LRRC43: variants seen among roughly 807,000 people sequenced by gnomAD.
The protein encoded by LRRC43 is leucine-rich repeat-containing protein 43.
A neutral mutation model predicts 64.3 loss-of-function variants in LRRC43; 62 were observed. The ratio of observed to expected loss-of-function variants is 0.96; its 90% confidence interval spans 0.79 to 1.19. The LOEUF (loss-of-function observed/expected upper bound fraction) is 1.19, where lower values mean the gene tolerates loss of function less well. Ranked by LOEUF, LRRC43 falls within the 50% of genes most tolerant of loss-of-function variation. The pLI, the probability that LRRC43 is intolerant of heterozygous loss-of-function variation, is 0.00. For synonymous variants in LRRC43, 422 were observed against 382.3 expected (o/e 1.10, Z -1.21); for missense variants, 868 against 845.0 (o/e 1.03, Z -0.34).
chr12:122,172,723 C>T (rs1387141992), intron 1 of LRRC43: 3 of 1,611,494 alleles, frequency 1.9e-6, no homozygotes, highest in South Asian at 1.1e-5. Flanking sequence ...GACACGAGCA[C>T]GCCCTTCTCT....
chr12:122,176,255 T>C (rs1953536225), intron 1 of LRRC43, among the ~76,000 whole-genome samples: 1 of 152,028 alleles, frequency 6.6e-6, no homozygotes, highest in Non-Finnish European at 1.5e-5. Context: ...AGAAGAGTGT[T>C]CCAAGGCAAC....
intron 7 of LRRC43, among the ~76,000 whole-genome samples, 161 bp downstream of exon 7, chr12:122,193,165 G>C (rs963250992): frequency 6.6e-6 from 1 of 151,808 alleles, no homozygotes; most frequent in Admixed American, 6.6e-5. Context: ...CGGATCACGA[G>C]GTCAGGAGAT....
chr12:122,190,425 G>C, intron 5 of LRRC43, 57 bp downstream of exon 5: 2 of 1,394,504 alleles, frequency 1.4e-6, no homozygotes, highest in Non-Finnish European at 2.0e-6. Context: ...CCTGCGCCTG[G>C]CTGTGCCCCG....
chr12:122,168,464 G>T (rs1953459126), intron 1 of LRRC43, among the ~76,000 whole-genome samples: 1 of 151,268 alleles, frequency 6.6e-6, no homozygotes, highest in African/African-American at 2.4e-5. Flanking sequence ...AAAGAGGTGG[G>T]TTCTCACCAT....
rs551893904 is a variant in LRRC43 at position 122,190,962 on chromosome 12, C to T, written c.902-418C>T. ...CTAGCCTGGCGACAGAGCGAGACCC[C>T]GTCTCTAAAAAAAATAAAAAGTCAA... On this transcript the variant is annotated intron_variant, in intron 5 of 11. Transcript: ENST00000339777. 2.0e-5 allele frequency among the ~76,000 whole-genome samples: 3 copies of T among 152,174 alleles called. No individual in the cohort carries two copies. In the South Asian group the frequency reaches 6.2e-4, roughly 32 times the overall value.
At chr12:122,183,022 G>A (rs1593143533), upstream of LRRC43, 1 of 1,388,952 alleles carries the variant, frequency 7.2e-7, no homozygotes, top group Admixed American at 3.1e-5. Context: ...AAACGCAGGT[G>A]GTTGGGGCCA....
rs147650717 is a variant in LRRC43 at position 122,172,262 on chromosome 12, C to T, written c.-406+4480C>T. On this transcript the variant is annotated intron_variant, in intron 1 of 5. Transcript: ENST00000537729. ...GGTAATTCACAAATTCACATCTCAG[C>T]CCTCCCGGGACTAGCCCATATGAGG... 762 of 610,970 alleles carry T rather than the reference C, an allele frequency of 1.2e-3. 6 individuals are homozygous for T. Among genetic ancestry groups the T allele is most frequent in the African/African-American group, 0.012 (646 of 54,192 alleles). 37.8% of individuals were successfully genotyped at this position (610,970 alleles called of 1,614,324 possible).
chr12:122,187,691 G>A lies in LRRC43; in HGVS notation c.523-10G>A. The A allele has an allele frequency of 6.2e-7, 1 of 1,612,758 alleles. No individual in the cohort carries two copies. The highest frequency in any genetic ancestry group is 8.5e-7 in the Non-Finnish European group (1 of 1,179,932). On this transcript the variant is annotated splice_polypyrimidine_tract_variant and intron_variant, in intron 3 of 11. Transcript: ENST00000339777. ...CCCCATCGTCCCGGGCCTTCCGTGT[G>A]GTCTCCCAGGTGCTGGAGCTCTACG... is the stretch of plus-strand genomic sequence containing the variant.
chr12:122,177,847 T>TATTA (rs1238782083), intron 1 of LRRC43, among the ~76,000 whole-genome samples: 28 of 151,186 alleles, frequency 1.9e-4, no homozygotes, highest in African/African-American at 6.6e-4. Context: ...TTTATTTATT[T>TATTA]ATTATTTTGA....
upstream of LRRC43, among the ~76,000 whole-genome samples, chr12:122,180,294 G>A (rs1350376812): frequency 1.3e-5 from 2 of 152,118 alleles, no homozygotes; most frequent in Admixed American, 6.6e-5. Flanking sequence ...CAAGGCAGGT[G>A]GATCACTTGA....
At chr12:122,190,075 T>C (rs1489181722) in intron 4 of LRRC43, 55 bp from the exon 5 acceptor site, 1 of 1,458,142 alleles carries the variant, frequency 6.9e-7, no homozygotes, top group African/African-American at 1.4e-5. Context: ...CACAGGCTGC[T>C]TGCCCCCTGC....
chr12:122,174,851 T>C (rs1423444788), intron 1 of LRRC43, among the ~76,000 whole-genome samples: 2 of 151,592 alleles, frequency 1.3e-5, no homozygotes, highest in Non-Finnish European at 2.9e-5. Context: ...TTTCTTTTTT[T>C]TTTTTTTGAG....
At chr12:122,169,049 G>A (rs1953462732) in intron 1 of LRRC43, among the ~76,000 whole-genome samples, 2 of 152,150 alleles carry the variant, frequency 1.3e-5, no homozygotes, top group Admixed American at 1.3e-4. Context: ...TGTGAGGGGT[G>A]CGTGATACCC....
In LRRC43 at chr12:122,172,306, T is replaced by C. The variant is rs142266922; in HGVS notation, c.-406+4524T>C. The C allele has an allele frequency of 8.8e-4, 725 of 822,098 alleles. 11 individuals carry two copies. In the East Asian group the frequency reaches 0.013, roughly 15 times the overall value. The allele number at this position is 822,098 out of a possible 1,614,324, so 50.9% of individuals were successfully genotyped here. A position where few individuals can be genotyped will look rare whatever the true frequency, so the allele number is the denominator to read the frequency against. ...TATGAGGGGTCCCTGAGATTATTCATTGGAAAAATGTACTTAAGGAATCAC... is the reference window on the plus strand; with the variant it reads ...TATGAGGGGTCCCTGAGATTATTCACTGGAAAAATGTACTTAAGGAATCAC... On this transcript the variant is annotated intron_variant, in intron 1 of 5. Coordinates refer to the LRRC43 transcript ENST00000537729.
chr12:122,183,172 G>A lies in LRRC43; in HGVS notation c.28G>A (p.Glu10Lys). 1 of 1,554,808 alleles carries A rather than the reference G, an allele frequency of 6.4e-7. No homozygotes were observed. Among genetic ancestry groups the A allele is most frequent in the Non-Finnish European group, 8.6e-7 (1 of 1,157,442 alleles). ...GGAGGCGTCGTACGAGTCCGAGTCC[G>A]AGTCCGAGTCTGAGGCCGGGCCTGG... is the stretch of plus-strand genomic sequence containing the variant. MEASYESES[E>K]SESEAGPGTQ... The change falls in exon 1 of 12, where the codon GAG (glutamate) becomes AAG (lysine). Residue 10 changes from glutamate to lysine, a missense_variant. Glu to Lys is a moderately conservative substitution (Grantham distance 56). Transcript: ENST00000339777.
intron 3 of LRRC43, among the ~76,000 whole-genome samples, chr12:122,186,956 A>G (rs1953652319): frequency 6.6e-6 from 1 of 151,686 alleles, no homozygotes; most frequent in South Asian, 2.1e-4. Context: ...ATTCACTCAT[A>G]GAAAGGAATG....
At position 122,200,870 on chromosome 12, in the gene LRRC43, T is replaced by C. The variant is rs770198938; in HGVS notation, c.1745T>C (p.Val582Ala). 1.9e-6 allele frequency: 3 copies of C among 1,612,870 alleles called. No homozygotes were observed. Among genetic ancestry groups the C allele is most frequent in the East Asian group, 2.2e-5 (1 of 44,884 alleles). The change falls in exon 10 of 12, where the codon GTG (valine) becomes GCG (alanine). Residue 582 changes from valine to alanine, a missense_variant. Coordinates refer to ENST00000339777, the MANE Select transcript of LRRC43 (RefSeq NM_001098519.2). The surrounding 1 kb of genome is among the most constrained non-coding windows in gnomAD (Gnocchi z 4.6). The stretch of plus-strand genomic sequence containing the variant: ...CCCCTGCTCGCCGGGGAGCCCCTGG[T>C]GTCCACCGTGTGCAACTTCGGCGTG... ...LEPLLAGEPL[V>A]STVCNFGVVR...
chr12:122,193,055 G>A (rs377075119), intron 7 of LRRC43, 51 bp downstream of exon 7: 128 of 1,589,562 alleles, frequency 8.1e-5, no homozygotes, highest in African/African-American at 1.2e-4. Flanking sequence ...GTAGGGTCAC[G>A]AGCCTAGACC....
At chr12:122,173,008 C>T (rs1200187163) in intron 1 of LRRC43, among the ~76,000 whole-genome samples, 1 of 152,158 alleles carries the variant, frequency 6.6e-6, no homozygotes, top group Non-Finnish European at 1.5e-5. Context: ...CTCACGTGCT[C>T]AGGGTGGTGG....
Sources: allele counts gnomAD v4.1 joint callset (sites outside exome capture counted in the v4.1 genomes callset), GRCh38; gene constraint gnomAD v4.1.1; non-coding constraint Gnocchi (gnomAD v3.1); transcripts MANE v1.5; gene names NCBI Gene and HGNC (gene_info 2026-07-23, HGNC 2026-07-21).